Variants in ST7L observed in about 807,000 individuals in gnomAD.
ST7L encodes suppression of tumorigenicity 7 like, also known as suppressor of tumorigenicity 7 protein-like.
A neutral mutation model predicts 72.5 loss-of-function variants in ST7L; 57 were observed. The observed-to-expected ratio is 0.79, with a 90% CI of 0.64 to 0.98. ST7L has a LOEUF of 0.98. Among genes scored for constraint, ST7L ranks in the 50% least tolerant of loss-of-function variants. The probability of loss-of-function intolerance (pLI) is 0.00; values close to 1 mark genes in which losing one functional copy is unlikely to be tolerated. For missense variants in ST7L, 576 were observed against 672.2 expected (o/e 0.86, Z 1.58); for synonymous variants, 221 against 240.9 (o/e 0.92, Z 0.77).
At chr1:112,604,775 TAAAAAAAAAAAAAA>T (rs556388277) in intron 3 of ST7L, among the ~76,000 whole-genome samples, 4 of 58,746 alleles carry the variant, frequency 6.8e-5, no homozygotes, top group Non-Finnish European at 2.9e-5. Flanking sequence ...TTGTCTCTCT[TAAAAAAAAAAAAAA>T]AAAAAAAAAA....
intron 3 of ST7L, among the ~76,000 whole-genome samples, chr1:112,605,906 C>T (rs533159173): frequency 6.6e-6 from 1 of 152,302 alleles, no homozygotes; most frequent in African/African-American, 2.4e-5. Context: ...GTATTGGGAG[C>T]AGCAGTCCTG....
intron 7 of ST7L, among the ~76,000 whole-genome samples, chr1:112,582,864 A>ATT (rs1386518482): frequency 6.6e-6 from 1 of 151,902 alleles, no homozygotes; most frequent in Non-Finnish European, 1.5e-5. Flanking sequence ...ATGATCTACT[A>ATT]TTCTGATACT....
intron 7 of ST7L, 32 bp from the exon 8 acceptor site, chr1:112,582,504 A>G (rs1664283657): frequency 7.5e-7 from 1 of 1,335,668 alleles, no homozygotes; most frequent in African/African-American, 1.4e-5. Flanking sequence ...TGATACAACT[A>G]TCACTTTTGT....
chr1:112,555,832 G>C, intron 12 of ST7L, 36 bp downstream of exon 12: 2 of 1,443,476 alleles, frequency 1.4e-6, no homozygotes, highest in Non-Finnish European at 1.8e-6. Flanking sequence ...TGAATAGTTA[G>C]AGAGATTAGT....
intron 6 of ST7L, among the ~76,000 whole-genome samples, chr1:112,591,182 C>G (rs960394398): frequency 1.3e-5 from 2 of 152,096 alleles, no homozygotes; most frequent in Admixed American, 1.3e-4. Flanking sequence ...CCGCCTGCCT[C>G]GGCCTCCCAA....
rs369981750 is a variant in ST7L at position 112,535,394 on chromosome 1, TAAG to T, written c.1629+6554_1629+6556del. ...CTCCAAATAATAATACTAATAATAA[TAAG>T]AAGAAGAAGAAGAAGAAGAAGAAGA... is the stretch of plus-strand genomic sequence containing the variant. On this transcript the variant is annotated intron_variant, in intron 14 of 14. Coordinates refer to ENST00000358039, the MANE Select transcript of ST7L (RefSeq NM_017744.5). 6.8e-4 allele frequency among the ~76,000 whole-genome samples: 101 copies of T among 149,146 alleles called. 1 individual carries two copies. Among genetic ancestry groups the T allele is most frequent in the East Asian group, 2.2e-3 (11 of 5,060 alleles).
At chr1:112,541,275 T>C (rs1570912304) in intron 14 of ST7L, among the ~76,000 whole-genome samples, 1 of 151,190 alleles carries the variant, frequency 6.6e-6, no homozygotes, top group Non-Finnish European at 1.5e-5. Context: ...CAGCGAGACC[T>C]TGTCTCAGAA....
intron 11 of ST7L, among the ~76,000 whole-genome samples, chr1:112,557,639 CTA>C (rs1659422014): frequency 6.6e-6 from 1 of 152,242 alleles, no homozygotes; most frequent in African/African-American, 2.4e-5. Context: ...TATGATAACT[CTA>C]TGTTTAGGAA....
At chr1:112,595,370 GAAAAAAAAAAAAAA>G (rs67553307) in intron 5 of ST7L, among the ~76,000 whole-genome samples, 5 of 52,026 alleles carry the variant, frequency 9.6e-5, no homozygotes, top group Admixed American at 2.3e-4. Context: ...GGTCTCAAAA[GAAAAAAAAAAAAAA>G]AAAAAAAAAA....
At chr1:112,600,611 A>G (rs571463284) in intron 4 of ST7L, among the ~76,000 whole-genome samples, 183 bp downstream of exon 4, 1 of 147,108 alleles carries the variant, frequency 6.8e-6, no homozygotes, top group South Asian at 2.1e-4. Flanking sequence ...AATTTTAATT[A>G]AAAAAAAAAA....
At chr1:112,537,565 T>G (rs1305713161) in intron 14 of ST7L, among the ~76,000 whole-genome samples, 1 of 152,198 alleles carries the variant, frequency 6.6e-6, no homozygotes. Flanking sequence ...ATAAGCAGAA[T>G]CAGATTCCAG....
intron 14 of ST7L, chr1:112,541,643 AT>A: frequency 2.7e-6 from 1 of 368,564 alleles, no homozygotes; most frequent in Non-Finnish European, 4.2e-6. Flanking sequence ...AAAATAGGGT[AT>A]TTTTAAAAAT....
intron 11 of ST7L, among the ~76,000 whole-genome samples, chr1:112,564,971 G>T (rs1660741620): frequency 1.3e-5 from 2 of 151,346 alleles, no homozygotes; most frequent in Non-Finnish European, 1.5e-5. Context: ...AAAGTCTCCA[G>T]GTATAGTCTA....
chr1:112,591,098 T>C (rs1272190940), intron 6 of ST7L, among the ~76,000 whole-genome samples: 1 of 151,946 alleles, frequency 6.6e-6, no homozygotes, highest in Non-Finnish European at 1.5e-5. Flanking sequence ...GCCCGGCTAA[T>C]TTTTTGTATT....
chr1:112,570,883 ATCT>A (rs1273989806), intron 11 of ST7L: 5 of 416,660 alleles, frequency 1.2e-5, no homozygotes, highest in African/African-American at 2.1e-5. Context: ...TGGCTCACAA[ATCT>A]TCTCCAAAAG....
At chr1:112,588,149 TTC>T (rs1665145019) in intron 6 of ST7L, among the ~76,000 whole-genome samples, 2 of 152,260 alleles carry the variant, frequency 1.3e-5, no homozygotes, top group South Asian at 4.1e-4. Context: ...TTGATTTTGT[TTC>T]TCACAATTTT....
chr1:112,618,553 C>CT (rs1324638123), intron 1 of ST7L, among the ~76,000 whole-genome samples: 4 of 152,166 alleles, frequency 2.6e-5, no homozygotes, highest in African/African-American at 9.7e-5. Flanking sequence ...AAAGTAGTGA[C>CT]TTTTAAGGGA....
intron 11 of ST7L, among the ~76,000 whole-genome samples, chr1:112,566,522 C>T (rs946974854): frequency 2.0e-5 from 3 of 152,082 alleles, no homozygotes; most frequent in Non-Finnish European, 4.4e-5. Context: ...TGGTCTCGAA[C>T]TCCTGACCTC....
At chr1:112,591,462 A>C in intron 6 of ST7L, 63 bp downstream of exon 6, 1 of 1,416,398 alleles carries the variant, frequency 7.1e-7, no homozygotes, top group Non-Finnish European at 9.9e-7. Context: ...CAAAGGAGAC[A>C]TAAAAATCAT....
Sources: allele counts gnomAD v4.1 joint callset (sites outside exome capture counted in the v4.1 genomes callset), GRCh38; gene constraint gnomAD v4.1.1; transcripts MANE v1.5; gene names NCBI Gene and HGNC (gene_info 2026-07-23, HGNC 2026-07-21).